The following TREX1 variants were observed in gnomAD, a reference collection of about 807,000 sequenced individuals.
The protein encoded by TREX1 is three-prime repair exonuclease 1.
A neutral mutation model predicts 13.7 loss-of-function variants in TREX1; 11 were observed. That is an observed-to-expected ratio of 0.80 (90% CI 0.51 to 1.33). TREX1 has a LOEUF of 1.33. TREX1 is among the 40% of genes most tolerant of loss of function. TREX1 has a pLI of 0.00. For missense variants in TREX1, 409 were observed against 404.4 expected (o/e 1.01, Z -0.10); for synonymous variants, 178 against 178.8 (o/e 1.00, Z 0.03).
In TREX1 at chr3:48,467,180, G is replaced by T; in HGVS notation, c.525G>T (p.Lys175Asn). The change falls in exon 2 of 2, where the codon AAG becomes AAT. Residue 175 changes from lysine (K) to asparagine (N), a missense_variant. Lys to Asn is a moderately conservative substitution (Grantham distance 94, BLOSUM62 0). Coordinates refer to ENST00000625293, the MANE Select transcript of TREX1 (RefSeq NM_033629.6). Reference sequence around the variant, plus strand: ...GCCCCTCAGAACACGGCCCAAGGAAGAGCTATAGCCTAGGCAGCATCTACA... The same window carrying T: ...GCCCCTCAGAACACGGCCCAAGGAATAGCTATAGCCTAGGCAGCATCTACA... ...ASSPSEHGPRKSYSLGSIYTR... is the reference protein window; with the variant it reads ...ASSPSEHGPRNSYSLGSIYTR... 6.2e-7 allele frequency: 1 copy of T among 1,613,862 alleles called. No homozygotes were observed. Among genetic ancestry groups the T allele is most frequent in the Non-Finnish European group, 8.5e-7 (1 of 1,179,936 alleles).
At chr3:48,466,577 C>A (rs375299757) in intron 1 of TREX1, 53 bp from the exon 2 acceptor site, 16 of 1,613,888 alleles carry the variant, frequency 9.9e-6, no homozygotes, top group Non-Finnish European at 1.4e-5. Flanking sequence ...CACTCCCTCC[C>A]CTTCGGATCT....
rs147463121 is a variant in TREX1 at position 48,466,679 on chromosome 3, G to C, written c.24G>C (p.Pro8=). The C allele has an allele frequency of 6.2e-7, 1 of 1,613,506 alleles. No homozygotes were observed. The highest frequency in any genetic ancestry group is 8.5e-7 in the Non-Finnish European group (1 of 1,179,936). The change falls in exon 2 of 2, where the codon CCG becomes CCC. Residue 8 remains proline, a synonymous_variant. Transcript: ENST00000625293. ...CCATGGGCTCGCAGGCCCTGCCCCC[G>C]GGGCCCATGCAGACCCTCATCTTTT... MGSQALP[P]GPMQTLIFFD...
rs199519507 is a variant in TREX1, at chr3:48,466,660, G to T, written c.5G>T (p.Gly2Val). 5 of 1,614,010 alleles carry T rather than the reference G, an allele frequency of 3.1e-6. No individual in the cohort carries two copies. The Admixed American group carries it at 8.3e-5, about 27-fold the overall frequency. Residue 2 changes from glycine to valine, a missense_variant, in exon 2 of 2, where the codon GGC becomes GTC. By Grantham distance (109) the Gly-to-Val change is moderately radical. Transcript: ENST00000625293. M[G>V]SQALPPGPMQ... ...GCAGCAGGTACGTACCCAACCATGG[G>T]CTCGCAGGCCCTGCCCCCGGGGCCC...
Position 48,466,651 on chromosome 3 carries a change from C to CA in TREX1, c.-3dup, listed in dbSNP as rs1375152644. The CA allele has an allele frequency of 6.2e-7, 1 of 1,613,954 alleles. No homozygotes were observed. Among genetic ancestry groups the CA allele is most frequent in the Non-Finnish European group, 8.5e-7 (1 of 1,180,000 alleles). On this transcript the variant is annotated 5_prime_UTR_variant, in exon 2 of 2. Coordinates refer to ENST00000625293, the MANE Select transcript of TREX1 (RefSeq NM_033629.6). The stretch of plus-strand genomic sequence containing the variant: ...CCAGGCTCAGCAGCAGGTACGTACC[C>CA]AACCATGGGCTCGCAGGCCCTGCCC...
In TREX1 at chr3:48,467,145, C is replaced by T. The variant is rs78218009; in HGVS notation, c.490C>T (p.Arg164Ter). 12 of 1,613,900 alleles carry T rather than the reference C, an allele frequency of 7.4e-6. No homozygotes were observed. Among genetic ancestry groups the T allele is most frequent in the African/African-American group, 6.7e-5 (5 of 74,922 alleles). The change falls in exon 2 of 2, where the codon CGA (arginine) becomes TGA (stop). Residue 164 changes from arginine to a stop codon, truncating the protein, a stop_gained. Transcript: ENST00000625293. LOFTEE classifies it high-confidence loss of function. ...CATCACTGCGCTGAAGGCCCTGGAG[C>T]GAGCAAGCAGCCCCTCAGAACACGG... Reference protein sequence around the residue: ...DSITALKALERASSPSEHGPR... With the variant: ...DSITALKALE
Position 48,466,768 on chromosome 3 carries a change from C to T in TREX1, c.113C>T (p.Ala38Val), listed in dbSNP as rs2040326850. 1 of 1,613,988 alleles carries T rather than the reference C, an allele frequency of 6.2e-7. No individual in the cohort carries two copies. Among genetic ancestry groups the T allele is most frequent in the Non-Finnish European group, 8.5e-7 (1 of 1,180,034 alleles). Residue 38 changes from alanine to valine, a missense_variant, in exon 2 of 2, where the codon GCT (alanine) becomes GTT (valine). Physicochemically the swap from Ala to Val is moderately conservative, Grantham distance 64. Coordinates refer to ENST00000625293, the MANE Select transcript of TREX1 (RefSeq NM_033629.6). The part of the protein sequence containing the change: ...QPKVTELCLL[A>V]VHRCALESPP... Reference sequence around the variant, plus strand: ...AAGGTCACGGAGCTGTGCCTGCTGGCTGTCCACAGATGTGCCCTGGAGAGC... The same window carrying T: ...AAGGTCACGGAGCTGTGCCTGCTGGTTGTCCACAGATGTGCCCTGGAGAGC...
In TREX1 at chr3:48,466,920, A is replaced by G. The variant is rs763573583; in HGVS notation, c.265A>G (p.Thr89Ala). ...PAASEITGLS[T>A]AVLAAHGRQC... ...AGCCAGCGAGATCACAGGTCTGAGC[A>G]CAGCTGTGCTGGCAGCGCATGGGCG... Residue 89 changes from threonine to alanine, a missense_variant, in exon 2 of 2, where the codon ACA becomes GCA. By Grantham distance (58) the Thr-to-Ala change is moderately conservative (BLOSUM62 0). Transcript: ENST00000625293. 1 of 1,611,722 alleles carries G rather than the reference A, an allele frequency of 6.2e-7. No homozygotes were observed. The highest frequency in any genetic ancestry group is 8.5e-7 in the Non-Finnish European group (1 of 1,180,022).
chr3:48,465,933 C>G (rs1221805677), upstream of TREX1: 1 of 290,252 alleles, frequency 3.4e-6, no homozygotes, highest in East Asian at 9.2e-5. Flanking sequence ...AAACTGGGAC[C>G]CACAGGTGGG....
intron 1 of TREX1, 90 bp downstream of exon 1, chr3:48,466,399 G>T (rs979466532): frequency 4.4e-6 from 7 of 1,574,494 alleles, no homozygotes; most frequent in Non-Finnish European, 6.1e-6. Flanking sequence ...GGGAGGGGCC[G>T]AGTCATGTGA....
In TREX1 at chr3:48,467,241, A is replaced by G. The variant is rs1176739791; in HGVS notation, c.586A>G (p.Thr196Ala). 2 of 1,614,014 alleles carry G rather than the reference A, an allele frequency of 1.2e-6. No individual in the cohort carries two copies. Among genetic ancestry groups the G allele is most frequent in the Non-Finnish European group, 8.5e-7 (1 of 1,180,042 alleles). ...TGGGCAGTCCCCTCCAGACTCGCAC[A>G]CGGCTGAGGGTGATGTCCTGGCCCT... The part of the protein sequence containing the change: ...LYGQSPPDSH[T>A]AEGDVLALLS... Residue 196 changes from threonine (T) to alanine (A), a missense_variant, in exon 2 of 2, where the codon ACG becomes GCG. Transcript: ENST00000625293.
In TREX1 at chr3:48,466,845, G is replaced by A; in HGVS notation, c.190G>A (p.Val64Ile). The A allele has an allele frequency of 6.2e-7, 1 of 1,613,966 alleles. No homozygotes were observed. The highest frequency in any genetic ancestry group is 8.5e-7 in the Non-Finnish European group (1 of 1,180,044). Residue 64 changes from valine to isoleucine, a missense_variant, in exon 2 of 2, where the codon GTA becomes ATA. Transcript: ENST00000625293. ...PPTVPPPPRV[V>I]DKLSLCVAPG... ...CACAGTTCCTCCACCACCGCGTGTG[G>A]TAGACAAGCTCTCCCTGTGTGTGGC... is the stretch of plus-strand genomic sequence containing the variant.
intron 1 of TREX1, 106 bp from the exon 2 acceptor site, chr3:48,466,524 G>A (rs751843049): frequency 6.2e-7 from 1 of 1,613,930 alleles, no homozygotes; most frequent in Non-Finnish European, 8.5e-7. Context: ...GGGCAGGATT[G>A]TGCAGGGAAG....
chr3:48,467,397 G>A lies in TREX1; in HGVS notation c.742G>A (p.Val248Ile). Residue 248 changes from valine (V) to isoleucine (I), a missense_variant, in exon 2 of 2, where the codon GTC becomes ATC. Coordinates refer to ENST00000625293, the MANE Select transcript of TREX1 (RefSeq NM_033629.6). ...SARTKPRPSA[V>I]TTTAHLATTR... ...TAGGACCAAGCCAAGACCATCTGCT[G>A]TCACAACCACTGCACACCTGGCCAC... The A allele has an allele frequency of 2.5e-6, 4 of 1,614,216 alleles. No homozygotes were observed. Among genetic ancestry groups the A allele is most frequent in the South Asian group, 1.1e-5 (1 of 91,088 alleles).
chr3:48,466,692 A>C lies in TREX1; in HGVS notation c.37A>C (p.Thr13Pro), dbSNP rs1287600584. 6.2e-7 allele frequency: 1 copy of C among 1,613,598 alleles called. No homozygotes were observed. Among genetic ancestry groups the C allele is most frequent in the Non-Finnish European group, 8.5e-7 (1 of 1,179,916 alleles). The change falls in exon 2 of 2, where the codon ACC (threonine) becomes CCC (proline). Residue 13 changes from threonine to proline, a missense_variant. Coordinates refer to ENST00000625293, the MANE Select transcript of TREX1 (RefSeq NM_033629.6). ...GGCCCTGCCCCCGGGGCCCATGCAG[A>C]CCCTCATCTTTTTCGACATGGAGGC... ...SQALPPGPMQTLIFFDMEATG... is the reference protein window; with the variant it reads ...SQALPPGPMQPLIFFDMEATG...
chr3:48,467,251 G>GTGA lies in TREX1; in HGVS notation c.599_601dup (p.Asp200dup), dbSNP rs74556809. On this transcript the variant is annotated inframe_insertion, in exon 2 of 2. Coordinates refer to ENST00000625293, the MANE Select transcript of TREX1 (RefSeq NM_033629.6). Reference sequence around the variant, plus strand: ...CCTCCAGACTCGCACACGGCTGAGGGTGATGTCCTGGCCCTGCTCAGCATC... The same window carrying GTGA: ...CCTCCAGACTCGCACACGGCTGAGGGTGATGATGTCCTGGCCCTGCTCAGCATC... The GTGA allele has an allele frequency of 3.7e-6, 6 of 1,614,030 alleles. No homozygotes were observed. In the African/African-American group the frequency reaches 5.3e-5, roughly 14 times the overall value.
At chr3:48,466,506 C>T (rs1227078079) in intron 1 of TREX1, 124 bp from the exon 2 acceptor site, 6 of 1,613,826 alleles carry the variant, frequency 3.7e-6, no homozygotes, top group East Asian at 4.5e-5. Context: ...CCCTGGAGCT[C>T]GCAGACAGGG....
At position 48,466,618 on chromosome 3, in the gene TREX1, G is replaced by T. The variant is rs2040315132; in HGVS notation, c.-26-12G>T. On this transcript the variant is annotated splice_polypyrimidine_tract_variant and intron_variant, in intron 1 of 1. Coordinates refer to ENST00000625293, the MANE Select transcript of TREX1 (RefSeq NM_033629.6). ...CTGGGCACTCACACACCCACCCCATGCTCCTCTCCAGGCTCAGCAGCAGGT... is the reference window on the plus strand; with the variant it reads ...CTGGGCACTCACACACCCACCCCATTCTCCTCTCCAGGCTCAGCAGCAGGT... 6.2e-7 allele frequency: 1 copy of T among 1,613,556 alleles called. No individual in the cohort carries two copies.
rs76224909 is a variant in TREX1, at chr3:48,467,562, A to C, written c.907A>C (p.Thr303Pro). Reference sequence around the variant, plus strand: ...GGCCATCCTGACCTTGGCAGTAGCCACACTGTATGGACTATCCCTGGCCAC... The same window carrying C: ...GGCCATCCTGACCTTGGCAGTAGCCCCACTGTATGGACTATCCCTGGCCAC... ...LLAILTLAVA[T>P]LYGLSLATPG... Residue 303 changes from threonine (T) to proline (P), a missense_variant, in exon 2 of 2, where the codon ACA becomes CCA. Transcript: ENST00000625293. The C allele has an allele frequency of 1.5e-5, 24 of 1,613,658 alleles. No homozygotes were observed. Among genetic ancestry groups the C allele is most frequent in the Non-Finnish European group, 1.9e-5 (23 of 1,179,940 alleles).
Position 48,466,792 on chromosome 3 carries a change from G to C in TREX1, c.137G>C (p.Ser46Thr). ...LLAVHRCALE[S>T]PPTSQGPPPT... The stretch of plus-strand genomic sequence containing the variant: ...GCTGTCCACAGATGTGCCCTGGAGA[G>C]CCCCCCCACCTCTCAGGGGCCACCT... The change falls in exon 2 of 2, where the codon AGC becomes ACC. Residue 46 changes from serine (S) to threonine (T), a missense_variant. By Grantham distance (58) the Ser-to-Thr change is moderately conservative. Transcript: ENST00000625293. The C allele has an allele frequency of 6.2e-7, 1 of 1,613,752 alleles. No homozygotes were observed. The highest frequency in any genetic ancestry group is 1.1e-5 in the South Asian group (1 of 91,080).
Sources: gnomAD v4.1 joint callset for allele counts on GRCh38, gnomAD v4.1.1 for gene constraint, MANE v1.5 for transcripts, NCBI Gene and HGNC (gene_info 2026-07-23, HGNC 2026-07-21) for gene names.